Variants in GALNT16 observed in about 807,000 individuals in gnomAD.
GALNT16 encodes UDP-GalNAc:polypeptide N-acetylgalactosaminyltransferase-like protein 1.
GALNT16 carries 40 observed loss-of-function variants against 76.1 expected under a neutral mutation model. The observed-to-expected ratio is 0.53, with a 90% CI of 0.41 to 0.68. The LOEUF is 0.68. Among genes scored for constraint, GALNT16 ranks in the 30% least tolerant of loss-of-function variants. GALNT16 has a pLI of 0.00. For missense variants in GALNT16, 621 were observed against 731.9 expected, an observed-to-expected ratio of 0.85 and a Z score of 1.75; for synonymous variants, 276 against 285.2, an observed-to-expected ratio of 0.97 and a Z score of 0.32.
At chr14:69,301,604 G>A (rs1199140380) in intron 1 of GALNT16, among the ~76,000 whole-genome samples, 1 of 152,096 alleles carries the variant, frequency 6.6e-6, no homozygotes, top group Non-Finnish European at 1.5e-5. Context: ...CTCCCAAAGT[G>A]CTGGGATTAC....
chr14:69,283,934 G>T (rs543989307), intron 1 of GALNT16, among the ~76,000 whole-genome samples: 3 of 152,308 alleles, frequency 2.0e-5, no homozygotes, highest in African/African-American at 4.8e-5. Flanking sequence ...TCTAGCTCCT[G>T]TCTTCAAGTT....
Position 69,331,506 on chromosome 14 carries a change from C to T in GALNT16, c.733C>T (p.Leu245=), listed in dbSNP as rs1395198572. The change falls in exon 7 of 15, where the codon CTG becomes TTG. Residue 245 remains leucine (L), a synonymous_variant. Transcript: ENST00000448469. ...VVSPIIDVIS[L]DNFAYLAASA... is the part of the protein sequence containing the mutation. ...GAGTCCCATCATTGATGTCATCAGT[C>T]TGGATAATTTTGCCTACCTTGCAGC... is the stretch of plus-strand genomic sequence containing the variant. The T allele has an allele frequency of 3.1e-6, 5 of 1,611,134 alleles. No individual in the cohort carries two copies. Among genetic ancestry groups the T allele is most frequent in the Non-Finnish European group, 4.2e-6 (5 of 1,177,302 alleles).
At chr14:69,359,966 A>G (rs555803310), downstream of GALNT16, among the ~76,000 whole-genome samples, 966 of 152,192 alleles carry the variant, frequency 6.3e-3, 14 homozygotes, top group African/African-American at 0.022. Context: ...CAGAGGTTGC[A>G]GTGAGCCGAG....
intron 1 of GALNT16, among the ~76,000 whole-genome samples, chr14:69,267,941 A>G (rs1174748364): frequency 6.6e-6 from 1 of 152,038 alleles, no homozygotes; most frequent in Non-Finnish European, 1.5e-5. Flanking sequence ...AATTAAGGAG[A>G]ATAAGACCAG....
At chr14:69,351,914 G>T (rs951527744) in intron 14 of GALNT16, 117 bp from the exon 15 acceptor site, 11 of 915,144 alleles carry the variant, frequency 1.2e-5, no homozygotes, top group Non-Finnish European at 1.8e-5. Flanking sequence ...GGAGGAGGGG[G>T]ATGTGTCCTA....
intron 1 of GALNT16, among the ~76,000 whole-genome samples, chr14:69,268,030 G>A (rs1594808528): frequency 6.6e-6 from 1 of 152,146 alleles, no homozygotes; most frequent in East Asian, 1.9e-4. Context: ...GAATAAACTG[G>A]CCCTCATCCT....
At chr14:69,286,975 C>T (rs74719668) in intron 1 of GALNT16, among the ~76,000 whole-genome samples, 2,488 of 152,244 alleles carry the variant, frequency 0.016, 70 homozygotes, top group African/African-American at 0.056. Flanking sequence ...ACACAGGACC[C>T]GTCTACCCCA....
At position 69,352,435 on chromosome 14, in the gene GALNT16, G is replaced by A; in HGVS notation, c.*267G>A. Reference sequence around the variant, plus strand: ...ACTGTTGCTGGGTAGAGACTGAGTAGGTGCCCCTGGCCCTTTGTCCTCTCC... The same window carrying A: ...ACTGTTGCTGGGTAGAGACTGAGTAAGTGCCCCTGGCCCTTTGTCCTCTCC... On this transcript the variant is annotated 3_prime_UTR_variant, in exon 15 of 15. Transcript: ENST00000448469. 2.4e-6 allele frequency: 1 copy of A among 422,342 alleles called. No individual in the cohort carries two copies. Among genetic ancestry groups the A allele is most frequent in the East Asian group, 4.0e-5 (1 of 24,696 alleles). The allele number at this position is 422,342 out of a possible 1,614,324, so 26.2% of individuals were successfully genotyped here. A position where few individuals can be genotyped will look rare whatever the true frequency, so the allele number is the denominator to read the frequency against.
intron 1 of GALNT16, among the ~76,000 whole-genome samples, chr14:69,260,970 C>A (rs866763714): frequency 1.2e-4 from 18 of 152,072 alleles, no homozygotes; most frequent in African/African-American, 4.1e-4. Context: ...CTGCGCCTGG[C>A]TTCGAACCCC....
chr14:69,333,650 C>T lies in GALNT16; in HGVS notation c.967+50C>T, dbSNP rs113311707. On this transcript the variant is annotated intron_variant, in intron 9 of 14. Transcript: ENST00000448469. The surrounding 1 kb of genome is among the most constrained non-coding windows in gnomAD (Gnocchi z 4.2). ...AAAATAACAGTAGCAGTAATAACCA[C>T]AGTTAACCCTGACAGAGCACTTTCT... 1,060 of 974,488 alleles carry T rather than the reference C, an allele frequency of 1.1e-3. 12 individuals are homozygous for T. The African/African-American group carries it at 0.015, about 14-fold the overall frequency. 60.4% of individuals were successfully genotyped at this position (974,488 alleles called of 1,614,324 possible).
Position 69,347,956 on chromosome 14 carries a change from G to C in GALNT16, c.1493G>C (p.Gly498Ala). ...ACCTCCACCTTAATGTCCTCCCCTGGATCCCCAGTCATACTGCAGATGTGC... is the reference window on the plus strand; with the variant it reads ...ACCTCCACCTTAATGTCCTCCCCTGCATCCCCAGTCATACTGCAGATGTGC... ...AATSTLMSSP[G>A]SPVILQMCNP... The change falls in exon 14 of 15, where the codon GGA (glycine) becomes GCA (alanine). Residue 498 changes from glycine to alanine, a missense_variant. Coordinates refer to ENST00000448469, the MANE Select transcript of GALNT16 (RefSeq NM_001168368.2). The C allele has an allele frequency of 6.2e-7, 1 of 1,614,070 alleles. No individual in the cohort carries two copies. Among genetic ancestry groups the C allele is most frequent in the African/African-American group, 1.3e-5 (1 of 75,038 alleles).
chr14:69,374,197 A>G, the GALNT16 span, among the ~76,000 whole-genome samples: 1 of 152,166 alleles, frequency 6.6e-6, no homozygotes, highest in African/African-American at 2.4e-5. Context: ...CTCCTAGCCC[A>G]TCATTCACTT....
the GALNT16 span, among the ~76,000 whole-genome samples, chr14:69,365,774 A>G: frequency 2.7e-5 from 4 of 148,648 alleles, no homozygotes; most frequent in Admixed American, 2.7e-4. Flanking sequence ...TGTACCCCTG[A>G]GCTTAAAAGA....
At chr14:69,328,816 G>A (rs183196628) in intron 6 of GALNT16, among the ~76,000 whole-genome samples, 60 of 152,354 alleles carry the variant, frequency 3.9e-4, no homozygotes, top group African/African-American at 1.3e-3. Context: ...GAGCTACAAA[G>A]CTCCTGCTAC....
chr14:69,282,501 C>T (rs915143063), intron 1 of GALNT16, among the ~76,000 whole-genome samples: 2 of 152,040 alleles, frequency 1.3e-5, no homozygotes, highest in East Asian at 1.9e-4. Context: ...GCCTTCCCCA[C>T]GATGATCGCC....
At chr14:69,314,450 T>C (rs190470704) in intron 1 of GALNT16, among the ~76,000 whole-genome samples, 125 of 152,338 alleles carry the variant, frequency 8.2e-4, no homozygotes, top group African/African-American at 2.9e-3. Flanking sequence ...GATGGGGACA[T>C]GTCTGGAGCA....
At chr14:69,329,870 C>T (rs901686721) in intron 6 of GALNT16, among the ~76,000 whole-genome samples, 3 of 152,120 alleles carry the variant, frequency 2.0e-5, no homozygotes, top group Non-Finnish European at 4.4e-5. Context: ...GATCCACCCC[C>T]ATGACCCAAA....
chr14:69,299,711 A>G (rs1163310391), intron 1 of GALNT16, among the ~76,000 whole-genome samples: 1 of 152,182 alleles, frequency 6.6e-6, no homozygotes, highest in Non-Finnish European at 1.5e-5. Context: ...CCTGCCTCCC[A>G]GAGCCCTAGC....
intron 11 of GALNT16, among the ~76,000 whole-genome samples, chr14:69,341,461 A>G (rs1212742713): frequency 6.6e-6 from 1 of 152,244 alleles, no homozygotes; most frequent in Non-Finnish European, 1.5e-5. Flanking sequence ...AGCTCCAGGC[A>G]GGAATTTGAT....
Sources: gnomAD v4.1 joint callset for allele counts (sites outside exome capture counted in the v4.1 genomes callset) on GRCh38, gnomAD v4.1.1 for gene constraint, Gnocchi (gnomAD v3.1) non-coding constraint, MANE v1.5 for transcripts, NCBI Gene and HGNC (gene_info 2026-07-23, HGNC 2026-07-21) for gene names.